SEC31A: variants seen among roughly 807,000 people sequenced by gnomAD.
The protein encoded by SEC31A is protein transport protein Sec31A.
A neutral mutation model predicts 151.0 loss-of-function variants in SEC31A; 70 were observed. That is an observed-to-expected ratio of 0.46 (90% CI 0.38 to 0.57). The LOEUF (loss-of-function observed/expected upper bound fraction) is 0.57, where lower values mean the gene tolerates loss of function less well. SEC31A is among the 20% of genes least tolerant of loss of function. SEC31A has a pLI of 0.00. For synonymous variants in SEC31A, 475 were observed against 505.9 expected (o/e 0.94, Z 0.82); for missense variants, 1,330 against 1,471.2 (o/e 0.90, Z 1.57).
At position 82,841,252 on chromosome 4, in the gene SEC31A, G is replaced by A. The variant is rs539605298; in HGVS notation, c.2968+888C>T. ...CAGCCTGGCCAACATGGTGAAAGCC[G>A]TCTCTACCAAAAATACAAAAATTAG... is the stretch of plus-strand genomic sequence containing the variant. On this transcript the variant is annotated intron_variant, in intron 22 of 26. Transcript: ENST00000395310. 2.0e-5 allele frequency among the ~76,000 whole-genome samples: 3 copies of A among 149,464 alleles called. 1 individual carries two copies. The highest frequency in any genetic ancestry group is 2.1e-4 in the South Asian group (1 of 4,698).
At chr4:82,845,166 G>T in intron 20 of SEC31A, 1 of 1,380,764 alleles carries the variant, frequency 7.2e-7, no homozygotes, top group Non-Finnish European at 9.9e-7. Flanking sequence ...TAGGTGAGCA[G>T]AATTCTGCTC....
rs56888042 is a variant in SEC31A, at chr4:82,837,199, A to ATATGT, written c.2968+4940_2968+4941insACATA. ...TATATATATATATATATATATATAT[A>ATATGT]ATTTCACCACAATAAAAACTTTAAT... On this transcript the variant is annotated intron_variant, in intron 22 of 26. Transcript: ENST00000395310. Among the ~76,000 whole-genome samples, 41 of 83,130 alleles carry ATATGT rather than the reference A, an allele frequency of 4.9e-4. 3 individuals carry two copies. The highest frequency in any genetic ancestry group is 2.0e-3 in the Admixed American group (12 of 6,028). 54.5% of individuals were successfully genotyped at this position (83,130 alleles called of 152,430 possible).
At position 82,861,676 on chromosome 4, in the gene SEC31A, A is replaced by G. The variant is rs1734147481; in HGVS notation, c.1581T>C (p.Ser527=). The change falls in exon 14 of 27, where the codon AGT becomes AGC. Residue 527 remains serine, a synonymous_variant. Coordinates refer to ENST00000395310, the MANE Select transcript of SEC31A (RefSeq NM_001077207.4). ...ALKDSDQVAQ[S]DGEESPAAEE... is the part of the protein sequence containing the mutation. The stretch of plus-strand genomic sequence containing the variant: ...CAGCAGCAGGGCTCTCCTCCCCATC[A>G]CTCTGTGCTACTTGGTCAGAGTCTT... 6.2e-7 allele frequency: 1 copy of G among 1,610,986 alleles called. No individual in the cohort carries two copies. Among genetic ancestry groups the G allele is most frequent in the African/African-American group, 1.3e-5 (1 of 74,808 alleles).
At chr4:82,850,011 C>G (rs559883289) in intron 19 of SEC31A, among the ~76,000 whole-genome samples, 56 of 151,676 alleles carry the variant, frequency 3.7e-4, no homozygotes, top group African/African-American at 1.3e-3. Flanking sequence ...ATCACAAAGT[C>G]TCAGGACGTA....
At position 82,881,839 on chromosome 4, in the gene SEC31A, T is replaced by G. The variant is rs1161056608; in HGVS notation, c.79+19A>C. 2 of 1,592,114 alleles carry G rather than the reference T, an allele frequency of 1.3e-6. No individual in the cohort carries two copies. The highest frequency in any genetic ancestry group is 1.7e-6 in the Non-Finnish European group (2 of 1,160,000). ...AAGAAATTAGGTAACTCATACTATC[T>G]TCTCTCCTTTGAACTTACCTGTTGC... On this transcript the variant is annotated intron_variant, in intron 2 of 26. Coordinates refer to ENST00000395310, the MANE Select transcript of SEC31A (RefSeq NM_001077207.4).
chr4:82,880,141 C>T (rs1327300851), intron 3 of SEC31A, among the ~76,000 whole-genome samples: 3 of 151,562 alleles, frequency 2.0e-5, no homozygotes, highest in Non-Finnish European at 2.9e-5. Flanking sequence ...CGAGATTGCG[C>T]CATTGCACTC....
chr4:82,856,546 T>A (rs1374541230), intron 16 of SEC31A, among the ~76,000 whole-genome samples: 2 of 150,812 alleles, frequency 1.3e-5, no homozygotes, highest in South Asian at 4.2e-4. Context: ...AGGTCAGGAG[T>A]TCGAGACCAG....
At chr4:82,888,518 T>C (rs1231548693) in intron 1 of SEC31A, among the ~76,000 whole-genome samples, 2 of 151,340 alleles carry the variant, frequency 1.3e-5, no homozygotes, top group Non-Finnish European at 2.9e-5. Context: ...GGTGAAACCC[T>C]GTCTCTACTA....
chr4:82,888,435 T>C (rs1741449592), intron 1 of SEC31A, among the ~76,000 whole-genome samples: 1 of 148,884 alleles, frequency 6.7e-6, no homozygotes, highest in African/African-American at 2.6e-5. Flanking sequence ...CTCACACCTG[T>C]AATCCCAGCA....
rs562563232 is a variant in SEC31A at position 82,853,824 on chromosome 4, A to T, written c.2009-109T>A. 279 of 778,078 alleles carry T rather than the reference A, an allele frequency of 3.6e-4. 2 individuals are homozygous for T. In the African/African-American group the frequency reaches 4.7e-3, roughly 13 times the overall value. 48.2% of individuals were successfully genotyped at this position (778,078 alleles called of 1,614,324 possible). On this transcript the variant is annotated intron_variant, in intron 17 of 26. Transcript: ENST00000395310. ...AGGCATGGATTAAGCTTCATAACCA[A>T]TGAATAGCATAGAGAAACAAAATCA... is the stretch of plus-strand genomic sequence containing the variant.
At chr4:82,858,248 T>A (rs1733149196) in intron 14 of SEC31A, among the ~76,000 whole-genome samples, 1 of 150,468 alleles carries the variant, frequency 6.6e-6, no homozygotes. Context: ...CCGTCTCTAC[T>A]AAAATACAAA....
intron 24 of SEC31A, among the ~76,000 whole-genome samples, 184 bp downstream of exon 24, chr4:82,827,185 T>C (rs897920178): frequency 6.6e-6 from 1 of 152,226 alleles, no homozygotes; most frequent in African/African-American, 2.4e-5. Flanking sequence ...GAGAAGTTTG[T>C]ATGTGGCCAT....
At chr4:82,861,500 A>C (rs1734110533) in intron 14 of SEC31A, 131 bp downstream of exon 14, 2 of 596,200 alleles carry the variant, frequency 3.4e-6, no homozygotes, top group Non-Finnish European at 6.1e-6. Flanking sequence ...TCCTATCCTA[A>C]ACATCTCAAA....
At chr4:82,846,606 A>C (rs773042980) in intron 20 of SEC31A, among the ~76,000 whole-genome samples, 24 of 152,060 alleles carry the variant, frequency 1.6e-4, no homozygotes, top group Non-Finnish European at 3.2e-4. Context: ...AAGAAGGAAG[A>C]CTACTTCCAC....
At chr4:82,839,115 T>C (rs898537466) in intron 22 of SEC31A, among the ~76,000 whole-genome samples, 6 of 152,122 alleles carry the variant, frequency 3.9e-5, no homozygotes, top group Non-Finnish European at 8.8e-5. Context: ...TAGCTGGGAT[T>C]GTAGGCGCCC....
intron 13 of SEC31A, 44 bp from the exon 14 acceptor site, chr4:82,861,752 T>C: frequency 7.4e-7 from 1 of 1,356,576 alleles, no homozygotes; most frequent in Non-Finnish European, 1.0e-6. Flanking sequence ...AAGAATGTAG[T>C]ATTAAAAGGC....
intron 22 of SEC31A, among the ~76,000 whole-genome samples, chr4:82,833,813 A>G (rs1726583086): frequency 6.6e-6 from 1 of 152,212 alleles, no homozygotes; most frequent in South Asian, 2.1e-4. Flanking sequence ...TCATTCTGCA[A>G]TTAAATAGGC....
intron 18 of SEC31A, among the ~76,000 whole-genome samples, chr4:82,853,038 C>T (rs902245269): frequency 1.3e-5 from 2 of 152,198 alleles, no homozygotes; most frequent in Non-Finnish European, 2.9e-5. Flanking sequence ...GGCAATAATG[C>T]TCGTTCACCC....
intron 22 of SEC31A, among the ~76,000 whole-genome samples, chr4:82,834,056 A>G (rs1209196414): frequency 2.0e-5 from 3 of 152,170 alleles, no homozygotes; most frequent in Non-Finnish European, 4.4e-5. Flanking sequence ...AATTGACTGT[A>G]AGTGATTTTC....
Sources: allele counts gnomAD v4.1 joint callset (sites outside exome capture counted in the v4.1 genomes callset), GRCh38; gene constraint gnomAD v4.1.1; transcripts MANE v1.5; gene names NCBI Gene and HGNC (gene_info 2026-07-23, HGNC 2026-07-21).